SUCLG2: variants seen among roughly 807,000 people sequenced by gnomAD.
The protein encoded by SUCLG2 is succinate-CoA ligase GDP-forming subunit beta.
SUCLG2 carries 42 observed loss-of-function variants against 47.9 expected under a neutral mutation model. The ratio of observed to expected loss-of-function variants is 0.88; its 90% confidence interval spans 0.69 to 1.14. The LOEUF (loss-of-function observed/expected upper bound fraction) is 1.14, where lower values mean the gene tolerates loss of function less well. Ranked by LOEUF, SUCLG2 falls within the 50% of genes most tolerant of loss-of-function variation. The pLI is 0.00. For synonymous variants in SUCLG2, 195 were observed against 197.3 expected, an observed-to-expected ratio of 0.99 and a Z score of 0.10; for missense variants, 571 against 525.9, an observed-to-expected ratio of 1.09 and a Z score of -0.84.
At chr3:67,549,708 G>A (rs1706960768) in intron 2 of SUCLG2, among the ~76,000 whole-genome samples, 1 of 152,014 alleles carries the variant, frequency 6.6e-6, no homozygotes, top group East Asian at 1.9e-4. Flanking sequence ...TGTTATGAGG[G>A]GGAAAAGCTT....
At chr3:67,568,417 A>G (rs1694776952) in intron 2 of SUCLG2, among the ~76,000 whole-genome samples, 1 of 152,234 alleles carries the variant, frequency 6.6e-6, no homozygotes, top group African/African-American at 2.4e-5. Flanking sequence ...ATTCCACAGC[A>G]ACACAGAAAG....
At chr3:67,377,451 C>A (rs1307816227) in intron 10 of SUCLG2, among the ~76,000 whole-genome samples, 1 of 150,468 alleles carries the variant, frequency 6.6e-6, no homozygotes, top group African/African-American at 2.4e-5. Context: ...TGCTGGAAAG[C>A]AGCTGCCCAG....
chr3:67,377,439 A>G (rs1025464545), intron 10 of SUCLG2, among the ~76,000 whole-genome samples: 9 of 152,044 alleles, frequency 5.9e-5, no homozygotes, highest in African/African-American at 1.7e-4. Context: ...GTAGAGTGCT[A>G]TTGCTGGAAA....
intron 9 of SUCLG2, among the ~76,000 whole-genome samples, chr3:67,433,081 ATT>A (rs1178148792): frequency 6.6e-6 from 1 of 151,906 alleles, no homozygotes; most frequent in African/African-American, 2.4e-5. Flanking sequence ...GGTGTCTATT[ATT>A]TGTCTTTTGG....
chr3:67,585,196 T>C (rs995091446), intron 2 of SUCLG2, among the ~76,000 whole-genome samples: 3 of 152,198 alleles, frequency 2.0e-5, no homozygotes, highest in Admixed American at 6.5e-5. Flanking sequence ...TTTCACCTCA[T>C]GTCCCACAGC....
At chr3:67,411,377 A>C (rs1222343408) in intron 9 of SUCLG2, among the ~76,000 whole-genome samples, 1 of 152,164 alleles carries the variant, frequency 6.6e-6, no homozygotes, top group African/African-American at 2.4e-5. Flanking sequence ...ATGGTGGAAT[A>C]TAATGATCCT....
intron 4 of SUCLG2, among the ~76,000 whole-genome samples, chr3:67,527,482 G>A (rs1282305339): frequency 1.3e-5 from 2 of 152,130 alleles, no homozygotes; most frequent in East Asian, 1.9e-4. Context: ...TACACAAAAG[G>A]GATGGTGAAA....
At chr3:67,625,117 A>T (rs773654043) in intron 1 of SUCLG2, among the ~76,000 whole-genome samples, 4 of 152,208 alleles carry the variant, frequency 2.6e-5, no homozygotes, top group Non-Finnish European at 4.4e-5. Flanking sequence ...TGATATTGCT[A>T]CAAGCTAACA....
At chr3:67,589,291 T>C (rs1575799747) in intron 2 of SUCLG2, among the ~76,000 whole-genome samples, 7 of 152,340 alleles carry the variant, frequency 4.6e-5, no homozygotes, top group Admixed American at 4.6e-4. Flanking sequence ...CTTGAGAACA[T>C]TATATTGTAA....
chr3:67,442,535 T>A (rs1004555161), intron 9 of SUCLG2, among the ~76,000 whole-genome samples: 5 of 152,188 alleles, frequency 3.3e-5, no homozygotes, highest in African/African-American at 4.8e-5. Flanking sequence ...GATTTAAGAC[T>A]CCTGTGAAAA....
intron 9 of SUCLG2, among the ~76,000 whole-genome samples, chr3:67,484,634 G>T (rs1325822733): frequency 6.6e-6 from 1 of 151,864 alleles, no homozygotes; most frequent in African/African-American, 2.4e-5. Flanking sequence ...TGGGGAAGGG[G>T]GCAAACAAAC....
intron 2 of SUCLG2, among the ~76,000 whole-genome samples, chr3:67,568,514 G>A (rs1298775480): frequency 6.6e-6 from 1 of 152,154 alleles, no homozygotes; most frequent in Non-Finnish European, 1.5e-5. Context: ...TTAAAAGAAA[G>A]CATAAGTATT....
intron 9 of SUCLG2, among the ~76,000 whole-genome samples, chr3:67,404,159 C>T (rs1702751528): frequency 1.3e-5 from 2 of 152,294 alleles, no homozygotes; most frequent in Non-Finnish European, 2.9e-5. Context: ...GTTGGGATTA[C>T]AGGTGTGAGC....
chr3:67,581,497 G>C (rs1435638753), intron 2 of SUCLG2, among the ~76,000 whole-genome samples: 1 of 152,216 alleles, frequency 6.6e-6, no homozygotes. Context: ...GGCATGCAAT[G>C]AAGTGATGGC....
intron 7 of SUCLG2, among the ~76,000 whole-genome samples, chr3:67,499,720 G>GTTTGTTTATTTATTTATTTA (rs573806231): frequency 1.4e-4 from 21 of 150,858 alleles, no homozygotes; most frequent in African/African-American, 4.7e-4. Flanking sequence ...TTGTTTGTTT[G>GTTTGTTTATTTATTTATTTA]TTTATTTATT....
intron 2 of SUCLG2, among the ~76,000 whole-genome samples, chr3:67,594,907 G>C (rs1019792391): frequency 6.6e-6 from 1 of 152,088 alleles, no homozygotes; most frequent in African/African-American, 2.4e-5. Context: ...AAACCAGAAA[G>C]AATTACACCA....
chr3:67,448,387 G>A (rs1273387067), intron 9 of SUCLG2, among the ~76,000 whole-genome samples: 1 of 152,078 alleles, frequency 6.6e-6, no homozygotes, highest in African/African-American at 2.4e-5. Context: ...TATCAGAAGG[G>A]GAACAGAGAA....
chr3:67,534,889 T>C (rs373765653), intron 2 of SUCLG2, among the ~76,000 whole-genome samples: 3 of 151,798 alleles, frequency 2.0e-5, no homozygotes, highest in East Asian at 1.9e-4. Flanking sequence ...AACAAATCTT[T>C]TGCAAATGAA....
chr3:67,408,642 T>C, intron 9 of SUCLG2: 1 of 1,064,116 alleles, frequency 9.4e-7, no homozygotes. Context: ...GTCCTTATTC[T>C]GTCTATTCTC....
Sources: gnomAD v4.1 joint callset for allele counts (sites outside exome capture counted in the v4.1 genomes callset) on GRCh38, gnomAD v4.1.1 for gene constraint, MANE v1.5 for transcripts, NCBI Gene and HGNC (gene_info 2026-07-23, HGNC 2026-07-21) for gene names.